The following MYO16 variants were observed in gnomAD, a reference collection of about 807,000 sequenced individuals.
The protein encoded by MYO16 is unconventional myosin-XVI.
MYO16 carries 94 observed loss-of-function variants against 205.3 expected under a neutral mutation model. That is an observed-to-expected ratio of 0.46 (90% CI 0.39 to 0.54). The LOEUF is 0.54. MYO16 is among the 20% of genes least tolerant of loss of function. The pLI is 0.00. For missense variants in MYO16, 2,315 were observed against 2,387.5 expected, an observed-to-expected ratio of 0.97 and a Z score of 0.63; for synonymous variants, 988 against 954.0, an observed-to-expected ratio of 1.04 and a Z score of -0.66.
At chr13:108,991,165 A>G (rs1884815397) in intron 20 of MYO16, among the ~76,000 whole-genome samples, 1 of 152,186 alleles carries the variant, frequency 6.6e-6, no homozygotes, top group African/African-American at 2.4e-5. Flanking sequence ...GCTTCCTTGC[A>G]AGAAGCAAGT....
At chr13:109,032,177 G>A (rs1336242797) in intron 23 of MYO16, among the ~76,000 whole-genome samples, 1 of 152,078 alleles carries the variant, frequency 6.6e-6, no homozygotes, top group Non-Finnish European at 1.5e-5. Context: ...ATTCCACATA[G>A]ACCCTCTCTA....
the MYO16 span, among the ~76,000 whole-genome samples, chr13:108,508,956 C>A: frequency 6.6e-6 from 1 of 152,134 alleles, no homozygotes; most frequent in Non-Finnish European, 1.5e-5. Context: ...TGCAAACTTT[C>A]CTGGATTTTC....
the MYO16 span, among the ~76,000 whole-genome samples, chr13:108,519,377 C>G: frequency 2.0e-5 from 3 of 152,116 alleles, no homozygotes; most frequent in African/African-American, 4.8e-5. Flanking sequence ...TCCCTTTTCT[C>G]TCTTTCTTTG....
intron 7 of MYO16, among the ~76,000 whole-genome samples, chr13:108,815,187 G>T (rs1875503485): frequency 6.6e-6 from 1 of 152,188 alleles, no homozygotes; most frequent in Non-Finnish European, 1.5e-5. Context: ...CACACTCATT[G>T]ATATGCAGTT....
At chr13:108,572,961 G>T in the MYO16 span, among the ~76,000 whole-genome samples, 4 of 152,090 alleles carry the variant, frequency 2.6e-5, no homozygotes, top group African/African-American at 9.7e-5. Context: ...CAGCCTCATG[G>T]GTCTTTCATT....
rs546918496 is a variant in MYO16, at chr13:108,740,630, C to T, written c.507+13047C>T. Among the ~76,000 whole-genome samples the T allele has an allele frequency of 1.0e-3, 155 of 152,216 alleles. 1 individual carries two copies. The highest frequency in any genetic ancestry group is 1.5e-3 in the Non-Finnish European group (103 of 68,006). On this transcript the variant is annotated intron_variant, in intron 4 of 34. Coordinates refer to ENST00000457511, the MANE Select transcript of MYO16 (RefSeq NM_001198950.3). ...CTGTCCGTTCTCAGATCTCAAACTC[C>T]GTGCTGGGAGAACCACTACTCTCTT...
chr13:108,663,077 C>T (rs796546687), intron 1 of MYO16, among the ~76,000 whole-genome samples: 29 of 152,296 alleles, frequency 1.9e-4, no homozygotes, highest in African/African-American at 6.5e-4. Flanking sequence ...CCCTCTTCTG[C>T]AGTTGGGGCA....
upstream of MYO16, among the ~76,000 whole-genome samples, chr13:108,595,536 A>G (rs989200347): frequency 5.9e-5 from 9 of 152,176 alleles, no homozygotes; most frequent in African/African-American, 2.2e-4. Context: ...GTGGAAGGTT[A>G]ATCAGGTCTC....
intron 9 of MYO16, among the ~76,000 whole-genome samples, chr13:108,839,802 G>C (rs1877139175): frequency 6.6e-6 from 1 of 152,144 alleles, no homozygotes; most frequent in Non-Finnish European, 1.5e-5. Flanking sequence ...TCTTCCATGA[G>C]TAATAAAGTC....
intron 33 of MYO16, among the ~76,000 whole-genome samples, chr13:109,166,393 A>C (rs1380601616): frequency 2.6e-5 from 4 of 152,264 alleles, no homozygotes; most frequent in Admixed American, 2.6e-4. Context: ...GGAGAAGTGG[A>C]AGATAACTCA....
intron 14 of MYO16, 97 bp downstream of exon 14, chr13:108,888,574 G>A (rs1270553789): frequency 1.5e-6 from 1 of 663,574 alleles, no homozygotes. Flanking sequence ...AGATACAAGG[G>A]GGTTCAAAAT....
chr13:108,851,766 C>T (rs1263836072), intron 10 of MYO16, among the ~76,000 whole-genome samples: 2 of 152,160 alleles, frequency 1.3e-5, no homozygotes, highest in Non-Finnish European at 2.9e-5. Flanking sequence ...TCTCACCACT[C>T]CCGCCTTTTC....
At chr13:109,021,744 G>C (rs913925771) in intron 23 of MYO16, among the ~76,000 whole-genome samples, 1 of 152,076 alleles carries the variant, frequency 6.6e-6, no homozygotes, top group Non-Finnish European at 1.5e-5. Context: ...AAAAAGATTG[G>C]GTGGGGCCAA....
At chr13:108,813,051 T>C (rs984126180) in intron 7 of MYO16, among the ~76,000 whole-genome samples, 6 of 152,068 alleles carry the variant, frequency 3.9e-5, no homozygotes, top group Non-Finnish European at 7.4e-5. Context: ...AAAGGAAAGT[T>C]CCATAAAAGG....
intron 20 of MYO16, among the ~76,000 whole-genome samples, chr13:108,981,048 T>C (rs1446313426): frequency 1.3e-5 from 2 of 152,188 alleles, no homozygotes; most frequent in African/African-American, 2.4e-5. Context: ...TTGATGACCA[T>C]CAAAATAGTG....
chr13:109,100,523 A>G (rs1888927322), intron 27 of MYO16, among the ~76,000 whole-genome samples: 1 of 152,210 alleles, frequency 6.6e-6, no homozygotes, highest in Non-Finnish European at 1.5e-5. Context: ...AAATGGTTTG[A>G]AGTGCTTCAT....
the MYO16 span, among the ~76,000 whole-genome samples, chr13:108,532,312 T>C: frequency 6.6e-6 from 1 of 151,974 alleles, no homozygotes; most frequent in Non-Finnish European, 1.5e-5. Flanking sequence ...TCCCACTATG[T>C]GTTTAAGTCA....
At chr13:108,771,253 G>A (rs180820890) in intron 4 of MYO16, among the ~76,000 whole-genome samples, 27 of 152,134 alleles carry the variant, frequency 1.8e-4, no homozygotes, top group Non-Finnish European at 2.9e-4. Context: ...AATTTGCTAC[G>A]GAGAGAGAAA....
intron 3 of MYO16, among the ~76,000 whole-genome samples, chr13:108,715,260 C>T (rs1048080487): frequency 6.6e-6 from 1 of 152,290 alleles, no homozygotes; most frequent in East Asian, 1.9e-4. Flanking sequence ...CAGATGTACA[C>T]GGCTCGCTTG....
Sources: gnomAD v4.1 joint callset for allele counts (sites outside exome capture counted in the v4.1 genomes callset) on GRCh38, gnomAD v4.1.1 for gene constraint, MANE v1.5 for transcripts, NCBI Gene and HGNC (gene_info 2026-07-23, HGNC 2026-07-21) for gene names.